PPP1R15A: variants seen among roughly 807,000 people sequenced by gnomAD.
PPP1R15A encodes protein phosphatase 1 regulatory subunit 15A.
Under a neutral mutation model 48.5 loss-of-function variants are expected in PPP1R15A, and 43 were observed. The ratio of observed to expected loss-of-function variants is 0.89; its 90% CI spans 0.69 to 1.14. The LOEUF (loss-of-function observed/expected upper bound fraction) is 1.14. Among genes scored for constraint, PPP1R15A ranks in the 50% most tolerant of loss-of-function variants. PPP1R15A has a pLI of 0.00. For missense variants in PPP1R15A, 868 were observed against 847.2 expected, an observed-to-expected ratio of 1.02 and a Z score of -0.30; for synonymous variants, 327 against 327.4, an observed-to-expected ratio of 1.00 and a Z score of 0.01.
chr19:48,873,868 C>A lies in PPP1R15A; in HGVS notation c.635C>A (p.Ser212Tyr). The change falls in exon 2 of 3, where the codon TCT becomes TAT. Residue 212 changes from serine (S) to tyrosine (Y), a missense_variant. Transcript: ENST00000200453. The stretch of plus-strand genomic sequence containing the variant: ...CACAGAACCTCTACTTCTGCCTTGT[C>A]TCCAGGATCCAAGCCCAGCACTTGG... Reference protein sequence around the residue: ...EAHRTSTSALSPGSKPSTWVS... With the variant: ...EAHRTSTSALYPGSKPSTWVS... 1 of 1,614,108 alleles carries A rather than the reference C, an allele frequency of 6.2e-7. No homozygotes were observed. The highest frequency in any genetic ancestry group is 8.5e-7 in the Non-Finnish European group (1 of 1,180,020).
At chr19:48,875,592 G>T in intron 2 of PPP1R15A, 22 bp from the exon 3 acceptor site, 1 of 1,565,238 alleles carries the variant, frequency 6.4e-7, no homozygotes. Flanking sequence ...TCTCCTGCCT[G>T]TGTCCCCATG....
chr19:48,873,415 A>C lies in PPP1R15A; in HGVS notation c.182A>C (p.Glu61Ala), dbSNP rs1568562741. ...GCAGCTCTGGTAGAAGCTGGCCTGG[A>C]GGGAGAAGCTAGGACTCCTCTGGCA... ...KGAALVEAGLEGEARTPLAIP... is the reference protein window; with the variant it reads ...KGAALVEAGLAGEARTPLAIP... Residue 61 changes from glutamate to alanine, a missense_variant, in exon 2 of 3, where the codon GAG becomes GCG. Physicochemically the swap from Glu to Ala is moderately radical, Grantham distance 107. Transcript: ENST00000200453. The C allele has an allele frequency of 6.2e-7, 1 of 1,613,284 alleles. No individual in the cohort carries two copies. Among genetic ancestry groups the C allele is most frequent in the Admixed American group, 1.7e-5 (1 of 59,832 alleles).
At chr19:48,875,406 A>T in intron 2 of PPP1R15A, 1 of 694,612 alleles carries the variant, frequency 1.4e-6, no homozygotes, top group Non-Finnish European at 2.3e-6. Context: ...TGTGGCTCAC[A>T]GCAGCCCCAG....
chr19:48,874,806 C>T lies in PPP1R15A; in HGVS notation c.1573C>T (p.Pro525Ser). ...GEKPPPPWAP[P>S]RLPLRLQRRL... is the part of the protein sequence containing the mutation. ...GAAGCCACCGCCTCCCTGGGCTCCT[C>T]CTAGGCTGCCCCTCCGACTGCAAAG... The change falls in exon 2 of 3, where the codon CCT (proline) becomes TCT (serine). Residue 525 changes from proline (P) to serine (S), a missense_variant. Pro to Ser is a moderately conservative substitution (Grantham distance 74, BLOSUM62 -1). Coordinates refer to ENST00000200453, the MANE Select transcript of PPP1R15A (RefSeq NM_014330.5). 1 of 1,613,786 alleles carries T rather than the reference C, an allele frequency of 6.2e-7. No individual in the cohort carries two copies. The highest frequency in any genetic ancestry group is 1.3e-5 in the African/African-American group (1 of 75,040).
rs745653753 is a variant in PPP1R15A at position 48,874,037 on chromosome 19, CGAG to C, written c.808_810del (p.Glu270del). ...GGGAGTATCGTTCAGGAGAGGCGTC[CGAG>C]GAGAAGGAGGAAAAGGCACACAAAG... On this transcript the variant is annotated inframe_deletion, in exon 2 of 3. Coordinates refer to ENST00000200453, the MANE Select transcript of PPP1R15A (RefSeq NM_014330.5). The C allele has an allele frequency of 8.1e-6, 13 of 1,613,960 alleles. No individual in the cohort carries two copies. In the Admixed American group the frequency reaches 8.3e-5, roughly 10 times the overall value.
Position 48,874,872 on chromosome 19 carries a change from C to G in PPP1R15A, c.1639C>G (p.Pro547Ala). ...AGAAACCCCTACTCATGATCCGGAC[C>G]CTGAGACTCCCCTAAAGGCCAGAAA... ...RPETPTHDPD[P>A]ETPLKARKVR... Residue 547 changes from proline to alanine, a missense_variant, in exon 2 of 3, where the codon CCT becomes GCT. Pro to Ala is a conservative substitution (Grantham distance 27). Transcript: ENST00000200453. 2 of 1,589,436 alleles carry G rather than the reference C, an allele frequency of 1.3e-6. No homozygotes were observed. Among genetic ancestry groups the G allele is most frequent in the Non-Finnish European group, 1.7e-6 (2 of 1,171,434 alleles).
At position 48,874,779 on chromosome 19, in the gene PPP1R15A, G is replaced by A. The variant is rs1440505868; in HGVS notation, c.1546G>A (p.Glu516Lys). 7 of 1,613,998 alleles carry A rather than the reference G, an allele frequency of 4.3e-6. No homozygotes were observed. The highest frequency in any genetic ancestry group is 1.3e-5 in the African/African-American group (1 of 74,894). The change falls in exon 2 of 3, where the codon GAG (glutamate) becomes AAG (lysine). Residue 516 changes from glutamate (E) to lysine (K), a missense_variant. Glu to Lys is a moderately conservative substitution (Grantham distance 56). Coordinates refer to ENST00000200453, the MANE Select transcript of PPP1R15A (RefSeq NM_014330.5). Reference sequence around the variant, plus strand: ...CCGAGTGGCCATCTATGTACCTGGAGAGAAGCCACCGCCTCCCTGGGCTCC... The same window carrying A: ...CCGAGTGGCCATCTATGTACCTGGAAAGAAGCCACCGCCTCCCTGGGCTCC... Reference protein sequence around the residue: ...PFRVAIYVPGEKPPPPWAPPR... With the variant: ...PFRVAIYVPGKKPPPPWAPPR...
In PPP1R15A at chr19:48,874,537, G is replaced by A. The variant is rs780479208; in HGVS notation, c.1304G>A (p.Arg435Gln). The change falls in exon 2 of 3, where the codon CGG becomes CAG. Residue 435 changes from arginine (R) to glutamine (Q), a missense_variant. Coordinates refer to ENST00000200453, the MANE Select transcript of PPP1R15A (RefSeq NM_014330.5). ...ASAFLKAWVY[R>Q]PGEDTEEEED... Reference sequence around the variant, plus strand: ...GCTTTCTTGAAGGCCTGGGTGTATCGGCCAGGAGAGGACACGGAGGAGGAG... The same window carrying A: ...GCTTTCTTGAAGGCCTGGGTGTATCAGCCAGGAGAGGACACGGAGGAGGAG... The A allele has an allele frequency of 3.7e-6, 6 of 1,613,738 alleles. No homozygotes were observed. Among genetic ancestry groups the A allele is most frequent in the Admixed American group, 1.7e-5 (1 of 59,960 alleles).
chr19:48,872,507 A>G lies in PPP1R15A; in HGVS notation c.-154A>G. 2.2e-6 allele frequency: 1 copy of G among 456,476 alleles called. No homozygotes were observed. The highest frequency in any genetic ancestry group is 2.3e-5 in the Admixed American group (1 of 42,566). 28.3% of individuals were successfully genotyped at this position (456,476 alleles called of 1,614,324 possible). ...CGCTTGTCGCCACGGCACTTGAGGC[A>G]GCCGGAGATACTCTGAGTTACTCGG... On this transcript the variant is annotated 5_prime_UTR_variant, in exon 1 of 3. Transcript: ENST00000200453.
Position 48,873,697 on chromosome 19 carries a change from A to G in PPP1R15A, c.464A>G (p.Asp155Gly). 2 of 1,614,170 alleles carry G rather than the reference A, an allele frequency of 1.2e-6. No individual in the cohort carries two copies. Among genetic ancestry groups the G allele is most frequent in the Non-Finnish European group, 8.5e-7 (1 of 1,180,020 alleles). Residue 155 changes from aspartate to glycine, a missense_variant, in exon 2 of 3, where the codon GAT becomes GGT. By Grantham distance (94) the Asp-to-Gly change is moderately conservative. Coordinates refer to ENST00000200453, the MANE Select transcript of PPP1R15A (RefSeq NM_014330.5). ...SLLIRTLQGS[D>G]KNPGEEKAEE... ...CTGATAAGGACACTGCAAGGTTCTGATAAGAACCCAGGGGAGGAGAAAGCC... is the reference window on the plus strand; with the variant it reads ...CTGATAAGGACACTGCAAGGTTCTGGTAAGAACCCAGGGGAGGAGAAAGCC...
In PPP1R15A at chr19:48,874,787, A is replaced by G. The variant is rs972049474; in HGVS notation, c.1554A>G (p.Pro518=). 3 of 1,614,006 alleles carry G rather than the reference A, an allele frequency of 1.9e-6. No individual in the cohort carries two copies. The highest frequency in any genetic ancestry group is 2.5e-6 in the Non-Finnish European group (3 of 1,179,994). Residue 518 remains proline, a synonymous_variant, in exon 2 of 3, where the codon CCA becomes CCG. Transcript: ENST00000200453. Reference sequence around the variant, plus strand: ...CCATCTATGTACCTGGAGAGAAGCCACCGCCTCCCTGGGCTCCTCCTAGGC... The same window carrying G: ...CCATCTATGTACCTGGAGAGAAGCCGCCGCCTCCCTGGGCTCCTCCTAGGC... ...RVAIYVPGEK[P]PPPWAPPRLP... is the part of the protein sequence containing the mutation.
In PPP1R15A at chr19:48,874,305, G is replaced by A. The variant is rs2037050736; in HGVS notation, c.1072G>A (p.Glu358Lys). The change falls in exon 2 of 3, where the codon GAA becomes AAA. Residue 358 changes from glutamate (E) to lysine (K), a missense_variant. Glu to Lys is a moderately conservative substitution (Grantham distance 56). Coordinates refer to ENST00000200453, the MANE Select transcript of PPP1R15A (RefSeq NM_014330.5). ...EDTEEEEDEEEDEDSDSGSDE... is the reference protein window; with the variant it reads ...EDTEEEEDEEKDEDSDSGSDE... ...CACAGAGGAAGAGGAAGATGAGGAA[G>A]AAGATGAGGACAGTGACTCTGGATC... is the stretch of plus-strand genomic sequence containing the variant. The A allele has an allele frequency of 6.2e-7, 1 of 1,613,632 alleles. No homozygotes were observed. Among genetic ancestry groups the A allele is most frequent in the Non-Finnish European group, 8.5e-7 (1 of 1,179,910 alleles).
At chr19:48,875,442 CAGAT>C (rs3057861) in intron 2 of PPP1R15A, 168 bp from the exon 3 acceptor site, 300,002 of 899,146 alleles carry the variant, frequency 0.33, 57,044 homozygotes, top group African/African-American at 0.75. Flanking sequence ...TTCAGTGAGT[CAGAT>C]AGATAGAGAA....
chr19:48,874,044 A>G lies in PPP1R15A; in HGVS notation c.811A>G (p.Lys271Glu), dbSNP rs759199218. 1.9e-6 allele frequency: 3 copies of G among 1,614,020 alleles called. No individual in the cohort carries two copies. Among genetic ancestry groups the G allele is most frequent in the Non-Finnish European group, 2.5e-6 (3 of 1,179,958 alleles). Reference sequence around the variant, plus strand: ...TCGTTCAGGAGAGGCGTCCGAGGAGAAGGAGGAAAAGGCACACAAAGAAAC... The same window carrying G: ...TCGTTCAGGAGAGGCGTCCGAGGAGGAGGAGGAAAAGGCACACAAAGAAAC... ...EYRSGEASEE[K>E]EEKAHKETGK... Residue 271 changes from lysine (K) to glutamate (E), a missense_variant, in exon 2 of 3, where the codon AAG becomes GAG. By Grantham distance (56) the Lys-to-Glu change is moderately conservative. Coordinates refer to ENST00000200453, the MANE Select transcript of PPP1R15A (RefSeq NM_014330.5).
chr19:48,872,935 G>C (rs1050295108), intron 1 of PPP1R15A, among the ~76,000 whole-genome samples: 2 of 152,136 alleles, frequency 1.3e-5, no homozygotes, highest in Non-Finnish European at 2.9e-5. Flanking sequence ...AAAGACTTTT[G>C]TTCTTGGTTC....
chr19:48,875,579 G>C, intron 2 of PPP1R15A, 35 bp from the exon 3 acceptor site: 1 of 1,545,246 alleles, frequency 6.5e-7, no homozygotes, highest in Non-Finnish European at 8.7e-7. Flanking sequence ...GTGGCTGTGT[G>C]CATCTCCTGC....
chr19:48,876,057 T>C lies in PPP1R15A; in HGVS notation c.*84T>C, dbSNP rs2037079966. ...ATAAGGAATAAAGCCTTTTGATTTG[T>C]AGCGAGCAGCGTCTGTATGTGTCAG... On this transcript the variant is annotated 3_prime_UTR_variant, in exon 3 of 3. Transcript: ENST00000200453. 2.1e-6 allele frequency: 3 copies of C among 1,431,122 alleles called. No individual in the cohort carries two copies. The African/African-American group carries it at 4.3e-5, about 21-fold the overall frequency. 88.7% of individuals were successfully genotyped at this position (1,431,122 alleles called of 1,614,324 possible). A position where few individuals can be genotyped will look rare whatever the true frequency, so the allele number is the denominator to read the frequency against.
At position 48,872,576 on chromosome 19, in the gene PPP1R15A, C is replaced by A. The variant is rs907361533; in HGVS notation, c.-85C>A. ...GAGATGAACGCGCTGGCCTCCCTAA[C>A]CGTCCGGACCTGTGATCGCTTCTGG... is the stretch of plus-strand genomic sequence containing the variant. On this transcript the variant is annotated 5_prime_UTR_variant, in exon 1 of 3. Transcript: ENST00000200453. The A allele has an allele frequency of 2.3e-6, 1 of 443,872 alleles. No homozygotes were observed. Among genetic ancestry groups the A allele is most frequent in the African/African-American group, 2.0e-5 (1 of 49,798 alleles). The allele number at this position is 443,872 out of a possible 1,614,324, so 27.5% of individuals were successfully genotyped here. A position where few individuals can be genotyped will look rare whatever the true frequency, so the allele number is the denominator to read the frequency against.
intron 1 of PPP1R15A, 67 bp from the exon 2 acceptor site, chr19:48,873,158 A>T: frequency 7.0e-7 from 1 of 1,419,726 alleles, no homozygotes; most frequent in Non-Finnish European, 9.2e-7. Flanking sequence ...GCTATGACTC[A>T]TAGTCACGCC....
Sources: allele counts gnomAD v4.1 joint callset (sites outside exome capture counted in the v4.1 genomes callset), GRCh38; gene constraint gnomAD v4.1.1; transcripts MANE v1.5; gene names NCBI Gene and HGNC (gene_info 2026-07-23, HGNC 2026-07-21).